EPHA1: variants seen among roughly 807,000 people sequenced by gnomAD.
The protein encoded by EPHA1 is ephrin type-A receptor 1.
A neutral mutation model predicts 110.1 loss-of-function variants in EPHA1; 92 were observed. The observed-to-expected ratio is 0.84, with a 90% CI of 0.71 to 0.99. The LOEUF is 0.99. Among genes scored for constraint, EPHA1 ranks in the 50% least tolerant of loss-of-function variants. The probability of loss-of-function intolerance (pLI) is 0.00; values close to 1 mark genes in which losing one functional copy is unlikely to be tolerated. For missense variants in EPHA1, 1,204 were observed against 1,285.4 expected (o/e 0.94, Z 0.97); for synonymous variants, 500 against 516.1 (o/e 0.97, Z 0.42).
chr7:143,395,010 C>A lies in EPHA1; in HGVS notation c.2150G>T (p.Arg717Leu), dbSNP rs144535927. The A allele has an allele frequency of 3.1e-6, 5 of 1,614,066 alleles. No homozygotes were observed. The South Asian group carries it at 5.5e-5, about 18-fold the overall frequency. ...NGALDAFLRE[R>L]EDQLVPGQLV... The stretch of plus-strand genomic sequence containing the variant: ...CTGCCCAGGGACCAGCTGGTCCTCC[C>A]GCTCCTGCAGCAGGGTGAGTGGGTG... The change falls in exon 14 of 18, where the codon CGG becomes CTG. Residue 717 changes from arginine (R) to leucine (L), a missense_variant. Transcript: ENST00000275815. This position sits in a 1 kb window ranked among gnomAD's most constrained non-coding sequence, Gnocchi z 4.7.
chr7:143,403,982 A>G (rs561726290), intron 2 of EPHA1, among the ~76,000 whole-genome samples: 2 of 152,330 alleles, frequency 1.3e-5, no homozygotes, highest in East Asian at 3.9e-4. Context: ...CCTGTCTGCC[A>G]TACCACTTAG....
Position 143,399,733 on chromosome 7 carries a change from A to T in EPHA1, c.753T>A (p.Pro251=), listed in dbSNP as rs1025922689. ...PSGAPRMHCS[P]DGEWLVPVGR... is the part of the protein sequence containing the mutation. ...CTACAGGCACCAGCCACTCGCCATC[A>T]GGGCTGCAGTGCATGCGGGGTGCAC... is the stretch of plus-strand genomic sequence containing the variant. Residue 251 remains proline (P), a synonymous_variant, in exon 4 of 18, where the codon CCT becomes CCA. Transcript: ENST00000275815. The T allele has an allele frequency of 6.2e-7, 1 of 1,613,688 alleles. No individual in the cohort carries two copies. Among genetic ancestry groups the T allele is most frequent in the Admixed American group, 1.7e-5 (1 of 60,010 alleles).
intron 2 of EPHA1, among the ~76,000 whole-genome samples, chr7:143,406,696 G>GGACA (rs1805560179): frequency 6.6e-6 from 1 of 152,216 alleles, no homozygotes; most frequent in South Asian, 2.1e-4. Flanking sequence ...TAAGATTAGA[G>GGACA]GACACTCAGC....
rs1224513857 is a variant in EPHA1 at position 143,401,578 on chromosome 7, C to T, written c.178G>A (p.Gly60Arg). 1 of 1,613,712 alleles carries T rather than the reference C, an allele frequency of 6.2e-7. No individual in the cohort carries two copies. Among genetic ancestry groups the T allele is most frequent in the Non-Finnish European group, 8.5e-7 (1 of 1,179,704 alleles). Residue 60 changes from glycine to arginine, a missense_variant, in exon 3 of 18, where the codon GGG becomes AGG. Gly to Arg is a moderately radical substitution (Grantham distance 125, BLOSUM62 -2). Transcript: ENST00000275815. The surrounding 1 kb of genome is among the most constrained non-coding windows in gnomAD (Gnocchi z 4.1). ...GWSEQQQILN[G>R]TPLYMYQDCP... ...TCCTGGTACATGTACAGGGGTGTCC[C>T]ATTCAGTATCTGTTGCTGTTCACTC...
At position 143,395,627 on chromosome 7, in the gene EPHA1, T is replaced by A; in HGVS notation, c.1898-123A>T. ...GGAGAATCAGAAGCGTGGAGTGCCC[T>A]TCCTGGGACAGGGCGTGGGCTGTCC... On this transcript the variant is annotated intron_variant, in intron 11 of 17. Transcript: ENST00000275815. The surrounding 1 kb of genome is among the most constrained non-coding windows in gnomAD (Gnocchi z 4.7). 9.5e-7 allele frequency: 1 copy of A among 1,052,888 alleles called. No individual in the cohort carries two copies. The highest frequency in any genetic ancestry group is 1.4e-6 in the Non-Finnish European group (1 of 740,040). The allele number at this position is 1,052,888 out of a possible 1,614,324, so 65.2% of individuals were successfully genotyped here. A position where few individuals can be genotyped will look rare whatever the true frequency, so the allele number is the denominator to read the frequency against.
At chr7:143,392,557 C>A (rs990959923) in intron 16 of EPHA1, among the ~76,000 whole-genome samples, 1 of 149,768 alleles carries the variant, frequency 6.7e-6, no homozygotes, top group African/African-American at 2.5e-5. Flanking sequence ...CGCTCCCCCA[C>A]CCCCCCATCA....
Position 143,398,638 on chromosome 7 carries a change from A to G in EPHA1, c.1299T>C (p.His433=). The G allele has an allele frequency of 6.2e-7, 1 of 1,614,078 alleles. No homozygotes were observed. The highest frequency in any genetic ancestry group is 1.1e-5 in the South Asian group (1 of 91,088). ...NGVSGLGSSG[H]ASTSVSISMG... ...TGCTGATGCTGACTGAGGTGCTGGC[A>G]TGGCCAGAGCTGCCCAGCCCTGACA... Residue 433 remains histidine (H), a synonymous_variant, in exon 6 of 18, where the codon CAT becomes CAC. Coordinates refer to ENST00000275815, the MANE Select transcript of EPHA1 (RefSeq NM_005232.5).
chr7:143,398,524 G>A, intron 6 of EPHA1, 76 bp from the exon 7 acceptor site: 1 of 1,608,260 alleles, frequency 6.2e-7, no homozygotes, highest in South Asian at 1.1e-5. Flanking sequence ...ATGGCTTCCT[G>A]CCCATCAGTT....
At position 143,395,395 on chromosome 7, in the gene EPHA1, G is replaced by C; in HGVS notation, c.2007C>G (p.Asn669Lys). The stretch of plus-strand genomic sequence containing the variant: ...CCATGATAGTTGCCTCTCGAAGGAA[G>C]TTCCACCACTGGCCACCTGGGGATG... Reference protein sequence around the residue: ...KDTSPGGQWWNFLREATIMGQ... With the variant: ...KDTSPGGQWWKFLREATIMGQ... Residue 669 changes from asparagine (N) to lysine (K), a missense_variant, in exon 12 of 18, where the codon AAC (asparagine) becomes AAG (lysine). By Grantham distance (94) the Asn-to-Lys change is moderately conservative. Coordinates refer to ENST00000275815, the MANE Select transcript of EPHA1 (RefSeq NM_005232.5). The surrounding 1 kb of genome is among the most constrained non-coding windows in gnomAD (Gnocchi z 4.7). 6.2e-7 allele frequency: 1 copy of C among 1,614,222 alleles called. No individual in the cohort carries two copies. Among genetic ancestry groups the C allele is most frequent in the Non-Finnish European group, 8.5e-7 (1 of 1,180,046 alleles).
chr7:143,398,793 G>C lies in EPHA1; in HGVS notation c.1144C>G (p.Pro382Ala), dbSNP rs57652656. Reference sequence around the variant, plus strand: ...ACGCCCACCCCACAGGGCTGGCAGGGCCCCCCGTCCTGTGCTGTGCCCTGA... The same window carrying C: ...ACGCCCACCCCACAGGGCTGGCAGGCCCCCCCGTCCTGTGCTGTGCCCTGA... ...QCQGTAQDGGPCQPCGVGVHF... is the reference protein window; with the variant it reads ...QCQGTAQDGGACQPCGVGVHF... The change falls in exon 6 of 18, where the codon CCC becomes GCC. Residue 382 changes from proline (P) to alanine (A), a missense_variant. By Grantham distance (27) the Pro-to-Ala change is conservative (BLOSUM62 -1). Coordinates refer to ENST00000275815, the MANE Select transcript of EPHA1 (RefSeq NM_005232.5). 1,415 of 1,613,562 alleles carry C rather than the reference G, an allele frequency of 8.8e-4. 13 individuals are homozygous for C. The African/African-American group carries it at 0.017, about 19-fold the overall frequency.
chr7:143,403,036 T>A (rs1353471472), intron 2 of EPHA1, among the ~76,000 whole-genome samples: 1 of 152,142 alleles, frequency 6.6e-6, no homozygotes, highest in African/African-American at 2.4e-5. Context: ...ATCATACAAG[T>A]GTTATTTTGT....
chr7:143,406,131 G>A (rs1209401177), intron 2 of EPHA1, among the ~76,000 whole-genome samples: 1 of 152,184 alleles, frequency 6.6e-6, no homozygotes, highest in African/African-American at 2.4e-5. Context: ...CTAGTGAGCT[G>A]ACTGCCGGGG....
In EPHA1 at chr7:143,393,719, A is replaced by C; in HGVS notation, c.2648T>G (p.Leu883Arg). The part of the protein sequence containing the change: ...FQKLQAHLEQ[L>R]LANPHSLRTI... ...CCGCAGGGAGTGGGGGTTGGCAAGC[A>C]GTTGCTCCAGATGTGCCTGAAGCTT... is the stretch of plus-strand genomic sequence containing the variant. Residue 883 changes from leucine to arginine, a missense_variant, in exon 16 of 18, where the codon CTG becomes CGG. Physicochemically the swap from Leu to Arg is moderately radical, Grantham distance 102 (BLOSUM62 -2). Transcript: ENST00000275815. This position sits in a 1 kb window ranked among gnomAD's most constrained non-coding sequence, Gnocchi z 5.6. 1.2e-6 allele frequency: 2 copies of C among 1,613,956 alleles called. No individual in the cohort carries two copies. The highest frequency in any genetic ancestry group is 1.7e-6 in the Non-Finnish European group (2 of 1,179,958).
Position 143,395,410 on chromosome 7 carries a change from A to G in EPHA1, c.1992T>C (p.Gly664=). ...AIKTLKDTSP[G]GQWWNFLREA... is the part of the protein sequence containing the mutation. ...CTCGAAGGAAGTTCCACCACTGGCC[A>G]CCTGGGGATGTGTCTTTTAAGGTCT... is the stretch of plus-strand genomic sequence containing the variant. The change falls in exon 12 of 18, where the codon GGT becomes GGC. Residue 664 remains glycine, a synonymous_variant. Coordinates refer to ENST00000275815, the MANE Select transcript of EPHA1 (RefSeq NM_005232.5). This position sits in a 1 kb window ranked among gnomAD's most constrained non-coding sequence, Gnocchi z 4.7. 6.2e-7 allele frequency: 1 copy of G among 1,614,202 alleles called. No homozygotes were observed. The highest frequency in any genetic ancestry group is 8.5e-7 in the Non-Finnish European group (1 of 1,180,038).
rs1207144543 is a variant in EPHA1 at position 143,393,744 on chromosome 7, T to C, written c.2623A>G (p.Lys875Glu). Residue 875 changes from lysine to glutamate, a missense_variant, in exon 16 of 18, where the codon AAG (lysine) becomes GAG (glutamate). By Grantham distance (56) the Lys-to-Glu change is moderately conservative (BLOSUM62 1). Transcript: ENST00000275815. The surrounding 1 kb of genome is among the most constrained non-coding windows in gnomAD (Gnocchi z 5.6). ...YDRARRPHFQ[K>E]LQAHLEQLLA... is the part of the protein sequence containing the mutation. ...AGTTGCTCCAGATGTGCCTGAAGCT[T>C]CTGGAAGTGTGGCCGGCGGGCACGG... The C allele has an allele frequency of 2.5e-6, 4 of 1,613,718 alleles. No individual in the cohort carries two copies. Among genetic ancestry groups the C allele is most frequent in the Non-Finnish European group, 3.4e-6 (4 of 1,179,868 alleles).
At position 143,395,693 on chromosome 7, in the gene EPHA1, C is replaced by T. The variant is rs7797635; in HGVS notation, c.1898-189G>A. 0.14 allele frequency: 87,237 copies of T among 624,542 alleles called. 9,291 individuals carry two copies. The highest frequency in any genetic ancestry group is 0.37 in the East Asian group (13,398 of 36,286). 38.7% of individuals were successfully genotyped at this position (624,542 alleles called of 1,614,324 possible). A position where few individuals can be genotyped will look rare whatever the true frequency, so the allele number is the denominator to read the frequency against. On this transcript the variant is annotated intron_variant, in intron 11 of 17. Transcript: ENST00000275815. This position sits in a 1 kb window ranked among gnomAD's most constrained non-coding sequence, Gnocchi z 4.7. ...AGAGTCTGGAGCTGGAGTGCAATGC[C>T]GTGACCTATTCACCACTGTCTCCCA... is the stretch of plus-strand genomic sequence containing the variant.
chr7:143,408,707 G>C lies in EPHA1; in HGVS notation c.82+17C>G, dbSNP rs1268744314. ...GCGGGGCGCGGGGGTTGGGGGCGCGGGGGCGGGGGTCGGTACCTTCCTTGG... is the reference window on the plus strand; with the variant it reads ...GCGGGGCGCGGGGGTTGGGGGCGCGCGGGCGGGGGTCGGTACCTTCCTTGG... On this transcript the variant is annotated intron_variant, in intron 1 of 17. Transcript: ENST00000275815. 14 of 616,440 alleles carry C rather than the reference G, an allele frequency of 2.3e-5. No individual in the cohort carries two copies. The Admixed American group carries it at 6.2e-4, about 27-fold the overall frequency. The allele number at this position is 616,440 out of a possible 1,614,324, so 38.2% of individuals were successfully genotyped here. A position where few individuals can be genotyped will look rare whatever the true frequency, so the allele number is the denominator to read the frequency against.
rs564687025 is a variant in EPHA1 at position 143,397,490 on chromosome 7, G to C, written c.1712+71C>G. The C allele has an allele frequency of 1.0e-5, 16 of 1,594,614 alleles. No homozygotes were observed. In the South Asian group the frequency reaches 1.3e-4, roughly 13 times the overall value. ...TGGGTTTTGATACTAGGGGATGGGAGGGTCGTTGGGGCTGCAGTCAGGGGC... is the reference window on the plus strand; with the variant it reads ...TGGGTTTTGATACTAGGGGATGGGACGGTCGTTGGGGCTGCAGTCAGGGGC... On this transcript the variant is annotated intron_variant, in intron 9 of 17. Transcript: ENST00000275815.
Position 143,397,330 on chromosome 7 carries a change from C to T in EPHA1, c.1745G>A (p.Arg582His), listed in dbSNP as rs555587376. Residue 582 changes from arginine (R) to histidine (H), a missense_variant, in exon 10 of 18, where the codon CGT (arginine) becomes CAT (histidine). Coordinates refer to ENST00000275815, the MANE Select transcript of EPHA1 (RefSeq NM_005232.5). ...RAQRQRQQRQ[R>H]DRATDVDRED... is the part of the protein sequence containing the mutation. Reference sequence around the variant, plus strand: ...TCGATCCACATCGGTGGCGCGGTCACGCTGCCTCTGCTGCCTCTGCCGCTG... The same window carrying T: ...TCGATCCACATCGGTGGCGCGGTCATGCTGCCTCTGCTGCCTCTGCCGCTG... 3.0e-5 allele frequency: 46 copies of T among 1,549,898 alleles called. 2 individuals are homozygous for T. In the East Asian group the frequency reaches 5.1e-4, roughly 17 times the overall value.
Sources: allele counts gnomAD v4.1 joint callset (sites outside exome capture counted in the v4.1 genomes callset), GRCh38; gene constraint gnomAD v4.1.1; non-coding constraint Gnocchi (gnomAD v3.1); transcripts MANE v1.5; gene names NCBI Gene and HGNC (gene_info 2026-07-23, HGNC 2026-07-21).